The following KDM5A variants were observed in gnomAD, a reference collection of about 807,000 sequenced individuals.
KDM5A encodes the protein lysine demethylase 5A.
In KDM5A, 42 loss-of-function variants were observed where a neutral mutation model predicts 193.5. The ratio of observed to expected loss-of-function variants is 0.22; its 90% CI spans 0.17 to 0.28. The LOEUF (loss-of-function observed/expected upper bound fraction) is 0.28, where lower values mean the gene tolerates loss of function less well. Ranked by LOEUF, KDM5A falls within the 10% of genes least tolerant of loss-of-function variation. KDM5A has a pLI of 1.00. For synonymous variants in KDM5A, 796 were observed against 718.1 expected, an observed-to-expected ratio of 1.11 and a Z score of -1.73; for missense variants, 1,692 against 2,055.1, an observed-to-expected ratio of 0.82 and a Z score of 3.42.
chr12:348,998 GA>G (rs888798898), intron 10 of KDM5A, among the ~76,000 whole-genome samples: 7 of 129,902 alleles, frequency 5.4e-5, no homozygotes, highest in South Asian at 2.4e-4. Context: ...TTGAAGAAAA[GA>G]AAAAAAAAAT....
In KDM5A at chr12:293,030, T is replaced by C. The variant is rs370218873; in HGVS notation, c.4595A>G (p.Lys1532Arg). The C allele has an allele frequency of 1.3e-6, 2 of 1,587,998 alleles. No homozygotes were observed. Among genetic ancestry groups the C allele is most frequent in the South Asian group, 2.4e-5 (2 of 84,960 alleles). ...QKSKELKKMD[K>R]PRKKKLKLGA... The stretch of plus-strand genomic sequence containing the variant: ...TAATTTTAATTTCTTCTTTCTAGGT[T>C]TGTCCATTTTCTTTAACTCCTTGGA... Residue 1532 changes from lysine (K) to arginine (R), a missense_variant, in exon 27 of 28, where the codon AAA (lysine) becomes AGA (arginine). Coordinates refer to ENST00000399788, the MANE Select transcript of KDM5A (RefSeq NM_001042603.3).
intron 17 of KDM5A, among the ~76,000 whole-genome samples, chr12:321,921 A>G (rs1055061511): frequency 6.6e-6 from 1 of 152,184 alleles, no homozygotes; most frequent in Non-Finnish European, 1.5e-5. Flanking sequence ...TCTTGTGTAC[A>G]TTCTAGTAGG....
intron 7 of KDM5A, 84 bp downstream of exon 7, chr12:355,074 C>T (rs1944215027): frequency 1.2e-6 from 1 of 844,600 alleles, no homozygotes; most frequent in African/African-American, 1.7e-5. Flanking sequence ...TAACTAAACA[C>T]ATACCATGAT....
rs1453727717 is a variant in KDM5A, at chr12:281,671, T to A, written c.*3785A>T. On this transcript the variant is annotated 3_prime_UTR_variant, in exon 28 of 28. Transcript: ENST00000399788. The stretch of plus-strand genomic sequence containing the variant: ...TATGTGGGACTTCAACAGCTCAATT[T>A]TTCCACAATTTCCACTTTTCAAATC... The A allele has an allele frequency of 4.3e-6, 1 of 234,512 alleles. No homozygotes were observed. The highest frequency in any genetic ancestry group is 8.4e-6 in the Non-Finnish European group (1 of 118,916). 14.5% of individuals were successfully genotyped at this position (234,512 alleles called of 1,614,324 possible). A position where few individuals can be genotyped will look rare whatever the true frequency, so the allele number is the denominator to read the frequency against.
In KDM5A at chr12:352,221, A is replaced by G; in HGVS notation, c.1133T>C (p.Phe378Ser). Residue 378 changes from phenylalanine to serine, a missense_variant, in exon 9 of 28, where the codon TTT becomes TCT. Transcript: ENST00000399788. ...CTTACTCACATGGACTGGCATATTA[A>G]AATAATCAGACTTAAAATTATCTGC... ...EMADNFKSDY[F>S]NMPVHMVPTE... The G allele has an allele frequency of 6.2e-7, 1 of 1,613,578 alleles. No individual in the cohort carries two copies.
At chr12:378,989 A>C (rs1218942772) in intron 3 of KDM5A, among the ~76,000 whole-genome samples, 1 of 151,742 alleles carries the variant, frequency 6.6e-6, no homozygotes, top group South Asian at 2.1e-4. Context: ...AATTATTCAT[A>C]TAGAAGTCTA....
rs370482230 is a variant in KDM5A at position 322,684 on chromosome 12, T to C, written c.2276-117A>G. 120 of 851,288 alleles carry C rather than the reference T, an allele frequency of 1.4e-4. No homozygotes were observed. The East Asian group carries it at 2.8e-3, about 20-fold the overall frequency. 52.7% of individuals were successfully genotyped at this position (851,288 alleles called of 1,614,324 possible). On this transcript the variant is annotated intron_variant, in intron 16 of 27. Coordinates refer to ENST00000399788, the MANE Select transcript of KDM5A (RefSeq NM_001042603.3). ...CAACCTACTTGTAGAAATATAATAA[T>C]TAGTAGAAACAAACAGCTGTGAAAA...
At chr12:333,376 G>A in intron 12 of KDM5A, 111 bp downstream of exon 12, 1 of 1,164,558 alleles carries the variant, frequency 8.6e-7, no homozygotes, top group Non-Finnish European at 1.2e-6. Context: ...CAATCATCGT[G>A]CCGCTGCACT....
intron 9 of KDM5A, among the ~76,000 whole-genome samples, chr12:351,996 C>G (rs556145372): frequency 2.0e-5 from 3 of 149,430 alleles, no homozygotes; most frequent in African/African-American, 7.4e-5. Flanking sequence ...CCCAGCTACT[C>G]GGGAGGCTGA....
At chr12:385,106 C>A (rs2137500961) in intron 2 of KDM5A, among the ~76,000 whole-genome samples, 1 of 151,566 alleles carries the variant, frequency 6.6e-6, no homozygotes, top group South Asian at 2.1e-4. Context: ...TCGCTTGAAC[C>A]CGGGAGGTAG....
At position 352,130 on chromosome 12, in the gene KDM5A, A is replaced by AC. The variant is rs372715257; in HGVS notation, c.1149+74_1149+75insG. The AC allele has an allele frequency of 4.3e-5, 32 of 737,160 alleles. No homozygotes were observed. In the African/African-American group the frequency reaches 5.6e-4, roughly 13 times the overall value. The allele number at this position is 737,160 out of a possible 1,614,324, so 45.7% of individuals were successfully genotyped here. On this transcript the variant is annotated intron_variant, in intron 9 of 27. Transcript: ENST00000399788. ...AAAAAAAAAAAAAAAAAAAAAAAAAAGAGGAAACTGAAGGCTTTGTACTCA... is the reference window on the plus strand; with the variant it reads ...AAAAAAAAAAAAAAAAAAAAAAAAAACGAGGAAACTGAAGGCTTTGTACTCA...
At chr12:291,916 T>C (rs1415717047) in intron 27 of KDM5A, among the ~76,000 whole-genome samples, 1 of 151,784 alleles carries the variant, frequency 6.6e-6, no homozygotes, top group African/African-American at 2.4e-5. Context: ...TTTTTTTTTT[T>C]TTTGAGACAG....
chr12:299,094 G>A (rs1329706857), intron 24 of KDM5A, among the ~76,000 whole-genome samples: 1 of 152,134 alleles, frequency 6.6e-6, no homozygotes, highest in African/African-American at 2.4e-5. Flanking sequence ...CTGTGTGATG[G>A]AAGAATGGAA....
In KDM5A at chr12:389,275, C is replaced by CT. The variant is rs565770649; in HGVS notation, c.-185dup. The CT allele has an allele frequency of 1.1e-4, 77 of 724,686 alleles. No homozygotes were observed. The highest frequency in any genetic ancestry group is 1.8e-4 in the Non-Finnish European group (71 of 404,922). 44.9% of individuals were successfully genotyped at this position (724,686 alleles called of 1,614,324 possible). The stretch of plus-strand genomic sequence containing the variant: ...CCGTTTGTTATTGTTTCTTGCAAGG[C>CT]TTTTCCACTGAGGTTCAGGACTTTT... On this transcript the variant is annotated 5_prime_UTR_variant, in exon 1 of 28. Transcript: ENST00000399788.
intron 14 of KDM5A, among the ~76,000 whole-genome samples, chr12:324,785 A>C (rs1432124595): frequency 1.3e-5 from 2 of 151,986 alleles, no homozygotes; most frequent in Non-Finnish European, 2.9e-5. Flanking sequence ...AGACAGGAGA[A>C]TCACTTGAGC....
At chr12:321,196 C>G (rs943672715) in intron 17 of KDM5A, 87 bp from the exon 18 acceptor site, 1 of 883,342 alleles carries the variant, frequency 1.1e-6, no homozygotes, top group Non-Finnish European at 1.9e-6. Context: ...AGAATTCAAA[C>G]CTAAGCAATC....
At chr12:353,064 G>A (rs1944183101) in intron 8 of KDM5A, among the ~76,000 whole-genome samples, 4 of 152,158 alleles carry the variant, frequency 2.6e-5, no homozygotes, top group Admixed American at 6.5e-5. Context: ...TACCATCAGG[G>A]CCCGGCACAG....
At chr12:290,763 AG>A (rs1386163699) in intron 27 of KDM5A, among the ~76,000 whole-genome samples, 1 of 152,234 alleles carries the variant, frequency 6.6e-6, no homozygotes, top group African/African-American at 2.4e-5. Flanking sequence ...AGAAGACAAC[AG>A]GAATAATGGA....
At chr12:368,293 C>T (rs530051693) in intron 3 of KDM5A, among the ~76,000 whole-genome samples, 1 of 152,242 alleles carries the variant, frequency 6.6e-6, no homozygotes, top group South Asian at 2.1e-4. Flanking sequence ...GTGGTGATAA[C>T]TGTACAACAC....
Sources: allele counts gnomAD v4.1 joint callset (sites outside exome capture counted in the v4.1 genomes callset), GRCh38; gene constraint gnomAD v4.1.1; transcripts MANE v1.5; gene names NCBI Gene and HGNC (gene_info 2026-07-23, HGNC 2026-07-21).